The following SGCD variants were observed in gnomAD, a reference collection of about 807,000 sequenced individuals.
The protein encoded by SGCD is delta-sarcoglycan.
SGCD carries 18 observed loss-of-function variants against 36.6 expected under a neutral mutation model. The observed-to-expected ratio is 0.49, with a 90% CI of 0.34 to 0.73. SGCD has a LOEUF of 0.73. Ranked by LOEUF, SGCD falls within the 30% of genes least tolerant of loss-of-function variation. The pLI is 0.01. For missense variants in SGCD, 387 were observed against 346.7 expected, an observed-to-expected ratio of 1.12 and a Z score of -0.92; for synonymous variants, 133 against 130.6, an observed-to-expected ratio of 1.02 and a Z score of -0.12.
intron 6 of SGCD, among the ~76,000 whole-genome samples, chr5:156,642,090 C>T (rs944017805): frequency 3.9e-5 from 6 of 152,162 alleles, no homozygotes; most frequent in Admixed American, 6.5e-5. Flanking sequence ...CATCCATCAT[C>T]TTACTGTATC....
At chr5:156,444,016 C>A (rs1039153342) in intron 3 of SGCD, among the ~76,000 whole-genome samples, 1 of 150,938 alleles carries the variant, frequency 6.6e-6, no homozygotes, top group African/African-American at 2.5e-5. Flanking sequence ...AAAACAGATA[C>A]TTGCTGATTT....
chr5:155,976,946 A>G (rs1197177320), intron 1 of SGCD, among the ~76,000 whole-genome samples: 8 of 152,132 alleles, frequency 5.3e-5, no homozygotes, highest in East Asian at 1.9e-4. Flanking sequence ...CAGCAGATTG[A>G]TTGAAATGCA....
At chr5:156,088,050 A>G (rs1279355740) in intron 1 of SGCD, among the ~76,000 whole-genome samples, 2 of 152,144 alleles carry the variant, frequency 1.3e-5, no homozygotes, top group Non-Finnish European at 2.9e-5. Context: ...GCTTGCAGCC[A>G]TCCCCCTTTC....
the SGCD span, among the ~76,000 whole-genome samples, chr5:155,829,100 T>G: frequency 3.9e-5 from 6 of 152,168 alleles, no homozygotes; most frequent in Non-Finnish European, 7.3e-5. Flanking sequence ...ATTAAGTCAT[T>G]TCTCACTCTT....
chr5:155,854,190 T>A, the SGCD span, among the ~76,000 whole-genome samples: 2 of 152,188 alleles, frequency 1.3e-5, no homozygotes, highest in African/African-American at 4.8e-5. Flanking sequence ...GGCTGTTCTG[T>A]GCTTTTTAGG....
At chr5:156,633,459 C>T (rs1446832228) in intron 6 of SGCD, among the ~76,000 whole-genome samples, 1 of 152,126 alleles carries the variant, frequency 6.6e-6, no homozygotes, top group Non-Finnish European at 1.5e-5. Flanking sequence ...GAAAAAGTAA[C>T]ATGTTTAGCG....
intron 1 of SGCD, among the ~76,000 whole-genome samples, chr5:155,965,633 T>A (rs1757886677): frequency 6.6e-6 from 1 of 152,074 alleles, no homozygotes; most frequent in Non-Finnish European, 1.5e-5. Flanking sequence ...GTGCAGTTAC[T>A]CCCTGGTGCT....
intron 1 of SGCD, among the ~76,000 whole-genome samples, chr5:155,973,855 G>T (rs912832862): frequency 6.6e-6 from 1 of 152,154 alleles, no homozygotes; most frequent in African/African-American, 2.4e-5. Flanking sequence ...CATTCCTGAT[G>T]CTCATTTAAC....
At chr5:156,023,287 C>A (rs891782103) in intron 1 of SGCD, among the ~76,000 whole-genome samples, 3 of 152,124 alleles carry the variant, frequency 2.0e-5, no homozygotes, top group Non-Finnish European at 4.4e-5. Flanking sequence ...ACAAATGATT[C>A]TTTGGGGGCT....
chr5:156,430,658 GT>G (rs372286753), intron 3 of SGCD, among the ~76,000 whole-genome samples: 24 of 151,456 alleles, frequency 1.6e-4, no homozygotes, highest in South Asian at 4.2e-4. Context: ...TTTGGACTAT[GT>G]TTTTTTTTAT....
intron 3 of SGCD, among the ~76,000 whole-genome samples, chr5:156,155,294 G>T (rs181100198): frequency 0.011 from 1,631 of 151,634 alleles, 26 homozygotes; most frequent in Non-Finnish European, 0.017. Context: ...GAGTGGTGGG[G>T]TCTAGGGTAG....
chr5:156,339,522 C>T (rs73815033), intron 2 of SGCD, among the ~76,000 whole-genome samples: 3,458 of 152,260 alleles, frequency 0.023, 127 homozygotes, highest in African/African-American at 0.078. Context: ...AACAAATGTA[C>T]ACTCATTCAT....
intron 1 of SGCD, among the ~76,000 whole-genome samples, chr5:156,000,799 C>CATATATATATAT (rs145379741): frequency 7.7e-4 from 112 of 145,280 alleles, no homozygotes; most frequent in African/African-American, 2.9e-3. Context: ...TTTCCTCACA[C>CATATATATATAT]ATATATATAT....
intron 3 of SGCD, among the ~76,000 whole-genome samples, chr5:156,173,663 C>T (rs528486617): frequency 2.2e-4 from 33 of 152,044 alleles, no homozygotes; most frequent in African/African-American, 7.2e-4. Context: ...TTCCAGTGCC[C>T]TTTTAAATAA....
chr5:155,948,693 T>C lies in SGCD; in HGVS notation c.-282+78269T>C, dbSNP rs527258067. Reference sequence around the variant, plus strand: ...TTAAATGGGGTTAGAATCTTTAGTGTGTGTTGAAGAAGGGAGTAGTGGAGA... The same window carrying C: ...TTAAATGGGGTTAGAATCTTTAGTGCGTGTTGAAGAAGGGAGTAGTGGAGA... On this transcript the variant is annotated intron_variant, in intron 1 of 9. Transcript: ENST00000517913. Among the ~76,000 whole-genome samples the C allele has an allele frequency of 1.6e-4, 25 of 152,248 alleles. 2 individuals are homozygous for C. Among genetic ancestry groups the C allele is most frequent in the Middle Eastern group, 3.4e-3 (1 of 294 alleles).
intron 4 of SGCD, among the ~76,000 whole-genome samples, chr5:156,528,570 A>G (rs1432738509): frequency 6.6e-6 from 1 of 152,180 alleles, no homozygotes; most frequent in African/African-American, 2.4e-5. Flanking sequence ...ACATTTATTA[A>G]TTATCTGTAT....
chr5:156,424,398 C>T (rs1320157743), intron 3 of SGCD, among the ~76,000 whole-genome samples: 1 of 152,054 alleles, frequency 6.6e-6, no homozygotes, highest in Non-Finnish European at 1.5e-5. Flanking sequence ...CCACAAATAA[C>T]AATCATGAAT....
At chr5:155,793,385 G>A in the SGCD span, among the ~76,000 whole-genome samples, 2,527 of 151,774 alleles carry the variant, frequency 0.017, 78 homozygotes, top group African/African-American at 0.057. Flanking sequence ...ATGTACCCCC[G>A]AAACCAAAAT....
At chr5:155,809,473 G>C in the SGCD span, among the ~76,000 whole-genome samples, 1 of 152,016 alleles carries the variant, frequency 6.6e-6, no homozygotes, top group African/African-American at 2.4e-5. Flanking sequence ...TTTAAACCAG[G>C]GTCTTATATC....
Sources: allele counts gnomAD v4.1 joint callset (sites outside exome capture counted in the v4.1 genomes callset), GRCh38; gene constraint gnomAD v4.1.1; transcripts MANE v1.5; gene names NCBI Gene and HGNC (gene_info 2026-07-23, HGNC 2026-07-21).